Variants in CYP2J2 observed in about 807,000 individuals in gnomAD.
CYP2J2 encodes cytochrome P450 family 2 subfamily J member 2.
A neutral mutation model predicts 48.8 loss-of-function variants in CYP2J2; 41 were observed. That is an observed-to-expected ratio of 0.84 (90% CI 0.66 to 1.09). The LOEUF is 1.09. CYP2J2 is among the 50% of genes least tolerant of loss of function. The probability of loss-of-function intolerance (pLI) is 0.00; values close to 1 mark genes in which losing one functional copy is unlikely to be tolerated. For synonymous variants in CYP2J2, 221 were observed against 227.1 expected (o/e 0.97, Z 0.24); for missense variants, 644 against 617.3 (o/e 1.04, Z -0.46).
the CYP2J2 span, among the ~76,000 whole-genome samples, chr1:59,966,358 G>A: frequency 6.6e-6 from 1 of 152,044 alleles, no homozygotes; most frequent in Admixed American, 6.6e-5. Context: ...TATGTCCTGG[G>A]TACCATAAAA....
At chr1:59,911,791 A>G in intron 3 of CYP2J2, 23 bp from the exon 4 acceptor site, 9 of 1,606,794 alleles carry the variant, frequency 5.6e-6, no homozygotes, top group Non-Finnish European at 7.7e-6. Flanking sequence ...GAAGGGCAAG[A>G]TGGATCCTTC....
chr1:59,928,452 C>T (rs572685989), upstream of CYP2J2, among the ~76,000 whole-genome samples: 1 of 152,304 alleles, frequency 6.6e-6, no homozygotes, highest in South Asian at 2.1e-4. Flanking sequence ...TCCTAGTCCC[C>T]AGATCAACGT....
At chr1:59,944,213 T>G in the CYP2J2 span, among the ~76,000 whole-genome samples, 1 of 152,118 alleles carries the variant, frequency 6.6e-6, no homozygotes, top group African/African-American at 2.4e-5. Flanking sequence ...AGAGAAGGTG[T>G]TTGTAGTCAT....
At position 59,893,613 on chromosome 1, in the gene CYP2J2, T is replaced by A. The variant is rs1367392043; in HGVS notation, c.*38A>T. On this transcript the variant is annotated 3_prime_UTR_variant, in exon 9 of 9. Transcript: ENST00000371204. ...CAGTGGTTTCAGAACACGTGCCATGTCTTCTTACTTTCCTTGCCCCTTTCT... is the reference window on the plus strand; with the variant it reads ...CAGTGGTTTCAGAACACGTGCCATGACTTCTTACTTTCCTTGCCCCTTTCT... 2.7e-6 allele frequency: 4 copies of A among 1,500,702 alleles called. No homozygotes were observed. Among genetic ancestry groups the A allele is most frequent in the Non-Finnish European group, 2.7e-6 (3 of 1,105,324 alleles). The allele number at this position is 1,500,702 out of a possible 1,614,324, so 93.0% of individuals were successfully genotyped here.
chr1:59,919,097 G>T (rs1646976796), intron 1 of CYP2J2, among the ~76,000 whole-genome samples: 1 of 152,136 alleles, frequency 6.6e-6, no homozygotes, highest in Non-Finnish European at 1.5e-5. Context: ...ACCAGCAGTA[G>T]GTCAGAGGGT....
the CYP2J2 span, among the ~76,000 whole-genome samples, chr1:59,943,508 T>C: frequency 6.6e-6 from 1 of 152,184 alleles, no homozygotes; most frequent in Non-Finnish European, 1.5e-5. Flanking sequence ...GTGGTCAGAA[T>C]TAGACAGGCT....
the CYP2J2 span, among the ~76,000 whole-genome samples, chr1:59,942,728 G>C: frequency 6.6e-6 from 1 of 152,124 alleles, no homozygotes; most frequent in Admixed American, 6.6e-5. Context: ...AGCAGTAGCA[G>C]AGGGAGGGAA....
At chr1:59,944,857 T>C in the CYP2J2 span, among the ~76,000 whole-genome samples, 3 of 152,184 alleles carry the variant, frequency 2.0e-5, no homozygotes, top group African/African-American at 7.2e-5. Context: ...GCCATTTGCA[T>C]TTATTTTTTT....
intron 8 of CYP2J2, among the ~76,000 whole-genome samples, chr1:59,894,655 A>C (rs1644253629): frequency 6.6e-6 from 1 of 152,250 alleles, no homozygotes; most frequent in Non-Finnish European, 1.5e-5. Context: ...TATGTGTTTA[A>C]GATGAGAACT....
intron 4 of CYP2J2, 69 bp downstream of exon 4, chr1:59,911,539 A>G (rs1644413782): frequency 9.2e-6 from 11 of 1,192,340 alleles, no homozygotes; most frequent in Middle Eastern, 5.0e-4. Context: ...AACTAAAAGG[A>G]AAAACCCATC....
At chr1:59,905,926 C>T (rs1481618035) in intron 6 of CYP2J2, among the ~76,000 whole-genome samples, 1 of 152,224 alleles carries the variant, frequency 6.6e-6, no homozygotes, top group Non-Finnish European at 1.5e-5. Context: ...TTTCCTCACG[C>T]TTGTAATCCC....
chr1:59,968,072 C>T, the CYP2J2 span, among the ~76,000 whole-genome samples: 55 of 152,220 alleles, frequency 3.6e-4, no homozygotes, highest in South Asian at 5.8e-3. Flanking sequence ...TAATTGTGCA[C>T]GGGGATCTCC....
intron 7 of CYP2J2, among the ~76,000 whole-genome samples, chr1:59,901,731 C>T (rs1395306008): frequency 1.3e-5 from 2 of 152,166 alleles, no homozygotes; most frequent in Admixed American, 6.5e-5. Context: ...GTCAATTTTA[C>T]TTTCACCTCC....
At chr1:59,944,684 C>G in the CYP2J2 span, among the ~76,000 whole-genome samples, 1 of 152,144 alleles carries the variant, frequency 6.6e-6, no homozygotes, top group Admixed American at 6.5e-5. Context: ...CTTGCCAATT[C>G]AGAGCTTGTG....
the CYP2J2 span, among the ~76,000 whole-genome samples, chr1:59,943,054 T>A: frequency 1.3e-5 from 2 of 152,142 alleles, no homozygotes; most frequent in South Asian, 4.1e-4. Context: ...GGAGAACAGG[T>A]TTAAGTGGAA....
At chr1:59,963,652 G>A in the CYP2J2 span, among the ~76,000 whole-genome samples, 1 of 152,112 alleles carries the variant, frequency 6.6e-6, no homozygotes, top group African/African-American at 2.4e-5. Flanking sequence ...GAACATAGAT[G>A]TACAGGTATC....
the CYP2J2 span, among the ~76,000 whole-genome samples, chr1:59,934,911 T>C: frequency 8.5e-4 from 126 of 148,218 alleles, no homozygotes; most frequent in African/African-American, 2.9e-3. Flanking sequence ...GCTATATTCA[T>C]TATCCCATTA....
Position 59,893,564 on chromosome 1 carries a change from G to T in CYP2J2, c.*87C>A. The T allele has an allele frequency of 2.0e-6, 2 of 989,620 alleles. No homozygotes were observed. Among genetic ancestry groups the T allele is most frequent in the Non-Finnish European group, 2.9e-6 (2 of 695,578 alleles). 61.3% of individuals were successfully genotyped at this position (989,620 alleles called of 1,614,324 possible). A position where few individuals can be genotyped will look rare whatever the true frequency, so the allele number is the denominator to read the frequency against. On this transcript the variant is annotated 3_prime_UTR_variant, in exon 9 of 9. Coordinates refer to ENST00000371204, the MANE Select transcript of CYP2J2 (RefSeq NM_000775.4). Reference sequence around the variant, plus strand: ...CTTTCTTGAAAGTCACTTTCATTTTGTCCCAACACATCTGAGCAGACACCA... The same window carrying T: ...CTTTCTTGAAAGTCACTTTCATTTTTTCCCAACACATCTGAGCAGACACCA...
chr1:59,894,001 A>G (rs541770844), intron 8 of CYP2J2, among the ~76,000 whole-genome samples, 172 bp from the exon 9 acceptor site: 1 of 152,194 alleles, frequency 6.6e-6, no homozygotes, highest in Non-Finnish European at 1.5e-5. Flanking sequence ...GGGTTCATCA[A>G]TGCATAGAAA....
Sources: gnomAD v4.1 joint callset for allele counts (sites outside exome capture counted in the v4.1 genomes callset) on GRCh38, gnomAD v4.1.1 for gene constraint, MANE v1.5 for transcripts, NCBI Gene and HGNC (gene_info 2026-07-23, HGNC 2026-07-21) for gene names.